LRP1B: variants seen among roughly 807,000 people sequenced by gnomAD.
LRP1B encodes low-density lipoprotein receptor-related protein 1B.
In LRP1B, 217 loss-of-function variants were observed where a neutral mutation model predicts 556.6. The ratio of observed to expected loss-of-function variants is 0.39; its 90% CI spans 0.35 to 0.44. LRP1B has a LOEUF of 0.44. LRP1B is among the 20% of genes least tolerant of loss of function. The pLI, the probability that LRP1B is intolerant of heterozygous loss-of-function variation, is 1.00. For missense variants in LRP1B, 5,053 were observed against 5,620.8 expected (o/e 0.90, Z 3.23); for synonymous variants, 2,047 against 1,865.8 (o/e 1.10, Z -2.50).
At chr2:140,532,397 G>T (rs540060472) in intron 47 of LRP1B, among the ~76,000 whole-genome samples, 25 of 150,328 alleles carry the variant, frequency 1.7e-4, no homozygotes, top group South Asian at 1.1e-3. Flanking sequence ...GTTTGTTTTG[G>T]TTTTTTTGGG....
intron 2 of LRP1B, among the ~76,000 whole-genome samples, chr2:141,568,176 G>A (rs1040342829): frequency 2.0e-5 from 3 of 150,986 alleles, no homozygotes; most frequent in East Asian, 3.9e-4. Flanking sequence ...ACATAAGTGC[G>A]GGATAAAGTT....
intron 23 of LRP1B, among the ~76,000 whole-genome samples, chr2:140,897,462 T>C (rs574443578): frequency 6.6e-6 from 1 of 152,270 alleles, no homozygotes; most frequent in South Asian, 2.1e-4. Flanking sequence ...CAGACTGTAA[T>C]AGTTAATATT....
At chr2:140,645,780 C>T (rs899935778) in intron 41 of LRP1B, among the ~76,000 whole-genome samples, 8 of 151,576 alleles carry the variant, frequency 5.3e-5, no homozygotes, top group Admixed American at 2.6e-4. Context: ...ACTCGTGATC[C>T]GCCCGCCTCG....
At chr2:141,219,270 G>A (rs1158845169) in intron 6 of LRP1B, among the ~76,000 whole-genome samples, 1 of 152,210 alleles carries the variant, frequency 6.6e-6, no homozygotes, top group Non-Finnish European at 1.5e-5. Context: ...CTGGTGTTGG[G>A]GAGATCGGGC....
intron 11 of LRP1B, among the ~76,000 whole-genome samples, chr2:141,035,750 T>TA (rs967612354): frequency 2.6e-5 from 4 of 152,044 alleles, no homozygotes; most frequent in Non-Finnish European, 4.4e-5. Flanking sequence ...ATTTTTTTGT[T>TA]AAAAAAATAC....
intron 1 of LRP1B, 87 bp downstream of exon 1, chr2:142,130,561 A>T: frequency 8.7e-7 from 1 of 1,152,974 alleles, no homozygotes; most frequent in Non-Finnish European, 1.2e-6. Context: ...GCAAGGACTT[A>T]AGTTTCACAC....
In LRP1B at chr2:141,237,345, GTTCTAGT is replaced by G. The variant is rs915986245; in HGVS notation, c.593-7912_593-7906del. 2.2e-5 allele frequency among the ~76,000 whole-genome samples: 3 copies of G among 135,180 alleles called. No homozygotes were observed. In the Admixed American group the frequency reaches 2.5e-4, roughly 11 times the overall value. 88.7% of individuals were successfully genotyped at this position (135,180 alleles called of 152,430 possible). On this transcript the variant is annotated intron_variant, in intron 5 of 90. Transcript: ENST00000389484. ...TGTTTTTTATCTTGTTTTGTTTTGT[GTTCTAGT>G]GTTTTTTTTTTTTTTTTTTAATTCT...
chr2:140,594,606 T>C (rs1193575653), intron 43 of LRP1B, among the ~76,000 whole-genome samples: 1 of 152,152 alleles, frequency 6.6e-6, no homozygotes, highest in Non-Finnish European at 1.5e-5. Flanking sequence ...TAAATATAGG[T>C]TACTTCTTTC....
At chr2:141,267,945 A>AT (rs1228268838) in intron 3 of LRP1B, among the ~76,000 whole-genome samples, 4 of 152,180 alleles carry the variant, frequency 2.6e-5, no homozygotes, top group Admixed American at 2.6e-4. Flanking sequence ...CAAAATTTTG[A>AT]TTTTTTCATA....
At chr2:141,879,486 A>G (rs1698882087) in intron 1 of LRP1B, among the ~76,000 whole-genome samples, 1 of 151,964 alleles carries the variant, frequency 6.6e-6, no homozygotes, top group African/African-American at 2.4e-5. Context: ...TCAAAATAAT[A>G]CATCTTTATT....
intron 7 of LRP1B, among the ~76,000 whole-genome samples, chr2:141,070,209 A>T (rs937149637): frequency 6.6e-6 from 1 of 151,828 alleles, no homozygotes; most frequent in African/African-American, 2.4e-5. Context: ...CTCACTCAAA[A>T]CCGCTCAACT....
chr2:141,500,289 G>A (rs76952850), intron 2 of LRP1B, among the ~76,000 whole-genome samples: 1 of 151,968 alleles, frequency 6.6e-6, no homozygotes, highest in African/African-American at 2.4e-5. Flanking sequence ...CAATTTATCA[G>A]CCTTTGTTAA....
At chr2:141,551,133 T>C (rs1337260384) in intron 2 of LRP1B, among the ~76,000 whole-genome samples, 2 of 152,056 alleles carry the variant, frequency 1.3e-5, no homozygotes. Context: ...AAAGATTATA[T>C]AAATATTACA....
At chr2:142,104,081 T>G (rs1308111162) in intron 1 of LRP1B, among the ~76,000 whole-genome samples, 1 of 152,096 alleles carries the variant, frequency 6.6e-6, no homozygotes, top group African/African-American at 2.4e-5. Flanking sequence ...TTCCACTTCC[T>G]TTTTCTTCCA....
intron 41 of LRP1B, among the ~76,000 whole-genome samples, chr2:140,689,184 C>A (rs564640343): frequency 3.3e-5 from 5 of 152,308 alleles, no homozygotes; most frequent in South Asian, 2.1e-4. Context: ...TGCAACCTAA[C>A]TTCATAGGTA....
At chr2:140,624,660 C>G (rs1483958021) in intron 41 of LRP1B, among the ~76,000 whole-genome samples, 1 of 152,146 alleles carries the variant, frequency 6.6e-6, no homozygotes, top group Non-Finnish European at 1.5e-5. Flanking sequence ...AGCACTCCAG[C>G]TTGACAACAG....
rs116550525 is a variant in LRP1B at position 140,617,841 on chromosome 2, A to G, written c.6800-16202T>C. Among the ~76,000 whole-genome samples, 209 of 152,136 alleles carry G rather than the reference A, an allele frequency of 1.4e-3. 1 individual carries two copies. The highest frequency in any genetic ancestry group is 7.1e-3 in the East Asian group (37 of 5,184). On this transcript the variant is annotated intron_variant, in intron 41 of 90. Coordinates refer to ENST00000389484, the MANE Select transcript of LRP1B (RefSeq NM_018557.3). ...ATCTGGTCCTCCAAAATCCTACTTA[A>G]TTAGGAAAATTTTAAAAACTGTTGA...
rs149973950 is a variant in LRP1B at position 141,647,187 on chromosome 2, ACTT to A, written c.205+163089_205+163091del. Among the ~76,000 whole-genome samples, 213 of 152,308 alleles carry A rather than the reference ACTT, an allele frequency of 1.4e-3. 1 individual carries two copies. Among genetic ancestry groups the A allele is most frequent in the African/African-American group, 4.9e-3 (204 of 41,582 alleles). The stretch of plus-strand genomic sequence containing the variant: ...AGCCAGGGAATGCTATGTGTTCACT[ACTT>A]CTTCTTTCCACATTCCTTTGCAGCT... On this transcript the variant is annotated intron_variant, in intron 2 of 90. Transcript: ENST00000389484.
chr2:141,984,324 A>G (rs188197342), intron 1 of LRP1B, among the ~76,000 whole-genome samples: 1 of 151,712 alleles, frequency 6.6e-6, no homozygotes, highest in African/African-American at 2.4e-5. Context: ...AAATTTGGGA[A>G]AGGGGGAAAA....
Sources: allele counts gnomAD v4.1 joint callset (sites outside exome capture counted in the v4.1 genomes callset), GRCh38; gene constraint gnomAD v4.1.1; transcripts MANE v1.5; gene names NCBI Gene and HGNC (gene_info 2026-07-23, HGNC 2026-07-21).